The following FLT4 variants were observed in gnomAD, a reference collection of about 807,000 sequenced individuals.
The protein encoded by FLT4 is vascular endothelial growth factor receptor 3.
A neutral mutation model predicts 163.2 loss-of-function variants in FLT4; 30 were observed. That is an observed-to-expected ratio of 0.18 (90% CI 0.14 to 0.25). The LOEUF is 0.25. Among genes scored for constraint, FLT4 ranks in the 10% least tolerant of loss-of-function variants. The pLI, the probability that FLT4 is intolerant of heterozygous loss-of-function variation, is 1.00. For missense variants in FLT4, 1,510 were observed against 1,863.8 expected (o/e 0.81, Z 3.50); for synonymous variants, 884 against 789.5 (o/e 1.12, Z -2.01).
chr5:180,634,841 C>G (rs12653381), intron 1 of FLT4, among the ~76,000 whole-genome samples: 7 of 25,816 alleles, frequency 2.7e-4, no homozygotes, highest in East Asian at 9.3e-4. Flanking sequence ...AGGATGGATG[C>G]ATGGATGGAT....
intron 6 of FLT4, 117 bp from the exon 7 acceptor site, chr5:180,629,544 T>C (rs1399347209): frequency 2.7e-6 from 4 of 1,479,344 alleles, no homozygotes; most frequent in Non-Finnish European, 3.7e-6. Context: ...ACCCAGGCCC[T>C]GAGTTTTCTT....
chr5:180,621,384 G>C (rs1763130412), intron 13 of FLT4, 132 bp from the exon 14 acceptor site: 1 of 1,394,710 alleles, frequency 7.2e-7, no homozygotes, highest in South Asian at 1.4e-5. Flanking sequence ...CAGGAGCGCG[G>C]CGCGCCTCCG....
Position 180,630,643 on chromosome 5 carries a change from G to A in FLT4, c.312C>T (p.Asn104=), listed in dbSNP as rs757182081. 2.9e-5 allele frequency: 47 copies of A among 1,613,080 alleles called. No individual in the cohort carries two copies. The highest frequency in any genetic ancestry group is 6.7e-5 in the Admixed American group (4 of 60,010). Residue 104 remains asparagine, a synonymous_variant, in exon 3 of 30, where the codon AAC becomes AAT. Transcript: ENST00000261937. The surrounding 1 kb of genome is among the most constrained non-coding windows in gnomAD (Gnocchi z 6.3). ...AGTAGCAGACGTAGCTGCCTGTGTCGTTGGCATGTACCTCGTGCAGCAGCA... is the reference window on the plus strand; with the variant it reads ...AGTAGCAGACGTAGCTGCCTGTGTCATTGGCATGTACCTCGTGCAGCAGCA... ...KVLLLHEVHA[N]DTGSYVCYYK...
chr5:180,626,181 G>A lies in FLT4; in HGVS notation c.1188C>T (p.Thr396=), dbSNP rs770484464. ...LKEVTEASTG[T]YTLALWNSAA... ...CGGAGTTCCACAGGGCGAGGGTGTA[G>A]GTGCCTGTGCTGGCCTCTGTCACCT... Residue 396 remains threonine (T), a synonymous_variant, in exon 9 of 30, where the codon ACC becomes ACT. Transcript: ENST00000261937. The A allele has an allele frequency of 1.2e-6, 2 of 1,612,876 alleles. No homozygotes were observed. The highest frequency in any genetic ancestry group is 1.7e-5 in the Admixed American group (1 of 60,018).
Position 180,623,806 on chromosome 5 carries a change from G to T in FLT4, c.1548+129C>A. 1 of 1,198,172 alleles carries T rather than the reference G, an allele frequency of 8.3e-7. No individual in the cohort carries two copies. Among genetic ancestry groups the T allele is most frequent in the Non-Finnish European group, 1.2e-6 (1 of 813,412 alleles). The allele number at this position is 1,198,172 out of a possible 1,614,324, so 74.2% of individuals were successfully genotyped here. Reference sequence around the variant, plus strand: ...GGTGGCCGAGGCCTACAGACTGCAGGAAGGTCACCCGCTCTCGGCTGCTCT... The same window carrying T: ...GGTGGCCGAGGCCTACAGACTGCAGTAAGGTCACCCGCTCTCGGCTGCTCT... On this transcript the variant is annotated intron_variant, in intron 11 of 29. Coordinates refer to ENST00000261937, the MANE Select transcript of FLT4 (RefSeq NM_182925.5). The surrounding 1 kb of genome is among the most constrained non-coding windows in gnomAD (Gnocchi z 5.8).
At position 180,629,239 on chromosome 5, in the gene FLT4, C is replaced by T. The variant is rs1763893199; in HGVS notation, c.985+20G>A. 6.2e-7 allele frequency: 1 copy of T among 1,612,570 alleles called. No individual in the cohort carries two copies. The highest frequency in any genetic ancestry group is 8.5e-7 in the Non-Finnish European group (1 of 1,179,890). Reference sequence around the variant, plus strand: ...GCCCAGGCCCACAGGGCACAAGGACCCTGGTTTCCCAGGCCATACCATGCA... The same window carrying T: ...GCCCAGGCCCACAGGGCACAAGGACTCTGGTTTCCCAGGCCATACCATGCA... On this transcript the variant is annotated intron_variant, in intron 7 of 29. Transcript: ENST00000261937.
intron 24 of FLT4, 71 bp from the exon 25 acceptor site, chr5:180,613,181 C>T (rs1248025792): frequency 6.5e-6 from 7 of 1,074,138 alleles, no homozygotes; most frequent in Non-Finnish European, 8.5e-6. Context: ...CAAGTCACCC[C>T]ATCCTGTCCC....
chr5:180,608,109 G>A lies in FLT4; in HGVS notation c.3893+859C>T, dbSNP rs893272031. On this transcript the variant is annotated intron_variant, in intron 29 of 29. Coordinates refer to ENST00000261937, the MANE Select transcript of FLT4 (RefSeq NM_182925.5). ...CCTAACCCCTCCCTGTGGTGCTTCA[G>A]TGGTCACACTCCTTGTCCACTTTCA... 2.9e-5 allele frequency: 20 copies of A among 700,460 alleles called. No homozygotes were observed. In the Admixed American group the frequency reaches 3.6e-4, roughly 13 times the overall value. The allele number at this position is 700,460 out of a possible 1,614,324, so 43.4% of individuals were successfully genotyped here.
chr5:180,603,727 A>G (rs1053473145), intron 29 of FLT4, among the ~76,000 whole-genome samples: 6 of 151,646 alleles, frequency 4.0e-5, no homozygotes, highest in Non-Finnish European at 7.4e-5. Flanking sequence ...ACACGGTGAA[A>G]CCCCGTCTCT....
intron 23 of FLT4, 147 bp downstream of exon 23, chr5:180,616,220 G>A (rs948170908): frequency 7.0e-6 from 8 of 1,139,932 alleles, no homozygotes; most frequent in Admixed American, 7.0e-5. Context: ...GGGGCAGGAG[G>A]TCCACCAGCA....
In FLT4 at chr5:180,620,427, G is replaced by A. The variant is rs1168798420; in HGVS notation, c.2407-119C>T. 1.4e-6 allele frequency: 2 copies of A among 1,391,434 alleles called. No homozygotes were observed. The highest frequency in any genetic ancestry group is 2.8e-5 in the African/African-American group (2 of 70,384). The allele number at this position is 1,391,434 out of a possible 1,614,324, so 86.2% of individuals were successfully genotyped here. On this transcript the variant is annotated intron_variant, in intron 16 of 29. Coordinates refer to ENST00000261937, the MANE Select transcript of FLT4 (RefSeq NM_182925.5). This position sits in a 1 kb window ranked among gnomAD's most constrained non-coding sequence, Gnocchi z 4.4. ...TCCTGCGGGGTTCTCAGTCAAGGAG[G>A]GGACAGAAAAAAAGACAGACAACCT...
In FLT4 at chr5:180,649,528, C is replaced by A. The variant is rs779814720; in HGVS notation, c.18G>T (p.Ala6=). The A allele has an allele frequency of 2.1e-6, 3 of 1,441,428 alleles. No individual in the cohort carries two copies. Among genetic ancestry groups the A allele is most frequent in the East Asian group, 3.2e-5 (1 of 31,732 alleles). The allele number at this position is 1,441,428 out of a possible 1,614,324, so 89.3% of individuals were successfully genotyped here. Residue 6 remains alanine (A), a synonymous_variant, in exon 1 of 30, where the codon GCG becomes GCT. Coordinates refer to ENST00000261937, the MANE Select transcript of FLT4 (RefSeq NM_182925.5). ...GGCAGAGCCACAGTCGCAGGCACAGCGCGGCGCCCCGCTGCATCTCCGGCC... is the reference window on the plus strand; with the variant it reads ...GGCAGAGCCACAGTCGCAGGCACAGAGCGGCGCCCCGCTGCATCTCCGGCC... MQRGA[A]LCLRLWLCLG... is the part of the protein sequence containing the mutation.
chr5:180,645,999 C>T (rs1213595590), intron 1 of FLT4, among the ~76,000 whole-genome samples: 1 of 152,146 alleles, frequency 6.6e-6, no homozygotes, highest in African/African-American at 2.4e-5. Context: ...GAGGAAAATA[C>T]GGCAGCAGGA....
chr5:180,640,334 G>A (rs1765010332), intron 1 of FLT4, among the ~76,000 whole-genome samples: 2 of 152,362 alleles, frequency 1.3e-5, no homozygotes, highest in Non-Finnish European at 2.9e-5. Context: ...AGGTGGCCAC[G>A]TGGGAGCCCA....
At position 180,613,294 on chromosome 5, in the gene FLT4, C is replaced by A; in HGVS notation, c.3332-184G>T. On this transcript the variant is annotated intron_variant, in intron 24 of 29. Coordinates refer to ENST00000261937, the MANE Select transcript of FLT4 (RefSeq NM_182925.5). ...CCTGGGACCTGTGGGCAAGTCGCTG[C>A]CCTCCCCAGCTCTAGTTCATTTGGT... The A allele has an allele frequency of 9.1e-6, 5 of 552,160 alleles. No individual in the cohort carries two copies. The South Asian group carries it at 1.0e-4, about 11-fold the overall frequency. The allele number at this position is 552,160 out of a possible 1,614,324, so 34.2% of individuals were successfully genotyped here.
In FLT4 at chr5:180,620,120, A is replaced by G. The variant is rs982758398; in HGVS notation, c.2542+53T>C. The G allele has an allele frequency of 6.3e-6, 10 of 1,580,008 alleles. No homozygotes were observed. In the African/African-American group the frequency reaches 9.4e-5, roughly 15 times the overall value. On this transcript the variant is annotated intron_variant, in intron 17 of 29. Transcript: ENST00000261937. This position sits in a 1 kb window ranked among gnomAD's most constrained non-coding sequence, Gnocchi z 4.4. ...GAGGGATTCAGGCACTCCGGCCTGCAGCAGGTGGGTCGGGCAGGAGGTGTG... is the reference window on the plus strand; with the variant it reads ...GAGGGATTCAGGCACTCCGGCCTGCGGCAGGTGGGTCGGGCAGGAGGTGTG...
At chr5:180,605,473 CT>C (rs1304020318) in intron 29 of FLT4, among the ~76,000 whole-genome samples, 1 of 151,970 alleles carries the variant, frequency 6.6e-6, no homozygotes, top group African/African-American at 2.4e-5. Flanking sequence ...AGTTTTAACT[CT>C]AATACTGTCT....
At chr5:180,638,395 A>G (rs1390894419) in intron 1 of FLT4, among the ~76,000 whole-genome samples, 2 of 152,106 alleles carry the variant, frequency 1.3e-5, no homozygotes, top group Non-Finnish European at 2.9e-5. Context: ...GTCAGGCTGG[A>G]TGCACCTTAG....
intron 1 of FLT4, among the ~76,000 whole-genome samples, chr5:180,645,058 G>C (rs944050030): frequency 6.6e-6 from 1 of 152,216 alleles, no homozygotes; most frequent in African/African-American, 2.4e-5. Context: ...CGCGGGGCTA[G>C]GGATGGCCTG....
Sources: allele counts gnomAD v4.1 joint callset (sites outside exome capture counted in the v4.1 genomes callset), GRCh38; gene constraint gnomAD v4.1.1; non-coding constraint Gnocchi (gnomAD v3.1); transcripts MANE v1.5; gene names NCBI Gene and HGNC (gene_info 2026-07-23, HGNC 2026-07-21).